CELF2: variants seen among roughly 807,000 people sequenced by gnomAD.
CELF2 encodes the protein CUG triplet repeat RNA-binding protein 2.
In CELF2, 8 loss-of-function variants were observed where a neutral mutation model predicts 62.6. The ratio of observed to expected loss-of-function variants is 0.13; its 90% CI spans 0.07 to 0.23. The LOEUF is 0.23. CELF2 is among the 10% of genes least tolerant of loss of function. The probability of loss-of-function intolerance (pLI) is 1.00; values close to 1 mark genes in which losing one functional copy is unlikely to be tolerated. For missense variants in CELF2, 333 were observed against 671.0 expected, an observed-to-expected ratio of 0.50 and a Z score of 5.56; for synonymous variants, 258 against 250.0, an observed-to-expected ratio of 1.03 and a Z score of -0.30.
intron 1 of CELF2, among the ~76,000 whole-genome samples, chr10:11,069,054 ATAAATGT>A (rs1402732475): frequency 6.6e-6 from 1 of 152,176 alleles, no homozygotes; most frequent in East Asian, 1.9e-4. Context: ...CCATACTAAA[ATAAATGT>A]TAGAAAAGCA....
In CELF2 at chr10:11,335,015, C is replaced by T. The variant is rs543003946; in HGVS notation, c.*5962C>T. 1 of 152,298 alleles carries T rather than the reference C, an allele frequency of 6.6e-6. No homozygotes were observed. Among genetic ancestry groups the T allele is most frequent in the East Asian group, 1.9e-4 (1 of 5,188 alleles). 9.4% of individuals were successfully genotyped at this position (152,298 alleles called of 1,614,324 possible). ...AAGAGAAAAGAAGTATTTCCAAGGG[C>T]TCAAATGGAAGCTGTACTCAGTCCG... On this transcript the variant is annotated 3_prime_UTR_variant, in exon 13 of 13. Coordinates refer to ENST00000633077, the MANE Select transcript of CELF2 (RefSeq NM_001326342.2). This position sits in a 1 kb window ranked among gnomAD's most constrained non-coding sequence, Gnocchi z 5.0.
At chr10:10,767,869 G>A in the CELF2 span, among the ~76,000 whole-genome samples, 4 of 140,304 alleles carry the variant, frequency 2.9e-5, no homozygotes, top group Non-Finnish European at 3.0e-5. Flanking sequence ...GGTGGCGGGC[G>A]CCTGTAGTCC....
intron 9 of CELF2, among the ~76,000 whole-genome samples, chr10:11,312,241 C>A (rs1415646434): frequency 6.6e-6 from 1 of 152,180 alleles, no homozygotes; most frequent in Non-Finnish European, 1.5e-5. Flanking sequence ...AAGACTTTTT[C>A]ACCAATAGAC....
intron 1 of CELF2, among the ~76,000 whole-genome samples, chr10:10,813,144 C>T (rs905658428): frequency 3.9e-5 from 6 of 152,134 alleles, no homozygotes; most frequent in Admixed American, 6.5e-5. Context: ...CCACTCCTTC[C>T]GTAGAGCTGA....
the CELF2 span, among the ~76,000 whole-genome samples, chr10:10,477,978 T>A: frequency 1.1e-4 from 17 of 152,182 alleles, no homozygotes; most frequent in African/African-American, 3.9e-4. Context: ...GCTCTAGATA[T>A]GAGATTATCC....
chr10:10,546,831 G>C, the CELF2 span, among the ~76,000 whole-genome samples: 1 of 151,606 alleles, frequency 6.6e-6, no homozygotes, highest in African/African-American at 2.4e-5. Flanking sequence ...ATTCAGCCAG[G>C]TGCCGTAGCT....
intron 1 of CELF2, among the ~76,000 whole-genome samples, chr10:10,850,384 T>G (rs2059310395): frequency 6.6e-6 from 1 of 152,190 alleles, no homozygotes; most frequent in Non-Finnish European, 1.5e-5. Context: ...CTGCTGACTC[T>G]CAAAGTTCTT....
chr10:11,282,452 G>A lies in CELF2; in HGVS notation c.842-5966G>A, dbSNP rs142141821. Among the ~76,000 whole-genome samples the A allele has an allele frequency of 6.3e-3, 960 of 152,306 alleles. 13 individuals are homozygous for A. Among genetic ancestry groups the A allele is most frequent in the African/African-American group, 0.022 (924 of 41,560 alleles). ...AGGAGAGTCACAATGCCCACACCAC[G>A]TGGATGTGTTAGGAACCCTAGTAGC... On this transcript the variant is annotated intron_variant, in intron 8 of 12. Coordinates refer to ENST00000633077, the MANE Select transcript of CELF2 (RefSeq NM_001326342.2).
the CELF2 span, among the ~76,000 whole-genome samples, chr10:10,747,776 G>A: frequency 1.2e-3 from 177 of 152,228 alleles, no homozygotes; most frequent in Non-Finnish European, 2.1e-3. Flanking sequence ...GCACGATCTC[G>A]GCTCACTGCA....
chr10:11,069,728 C>T (rs928076957), intron 1 of CELF2, among the ~76,000 whole-genome samples: 2 of 152,194 alleles, frequency 1.3e-5, no homozygotes, highest in African/African-American at 4.8e-5. Flanking sequence ...TAATTGATTG[C>T]ACCAAATCCA....
intron 12 of CELF2, among the ~76,000 whole-genome samples, chr10:11,327,003 G>C (rs73583256): frequency 6.6e-6 from 1 of 152,114 alleles, no homozygotes; most frequent in Non-Finnish European, 1.5e-5. Context: ...CTAATCCTAA[G>C]GTCTAATTTG....
At chr10:11,189,541 T>A (rs1410145128) in intron 2 of CELF2, among the ~76,000 whole-genome samples, 2 of 152,202 alleles carry the variant, frequency 1.3e-5, no homozygotes, top group Non-Finnish European at 2.9e-5. Flanking sequence ...TACTACTCTC[T>A]CTCTGCAGCT....
At chr10:10,548,146 C>T in the CELF2 span, among the ~76,000 whole-genome samples, 5,907 of 152,264 alleles carry the variant, frequency 0.039, 300 homozygotes, top group East Asian at 0.21. Context: ...TGACCATGGA[C>T]ACATCGTTTA....
At chr10:10,856,303 A>G (rs1450431188) in intron 1 of CELF2, among the ~76,000 whole-genome samples, 1 of 152,230 alleles carries the variant, frequency 6.6e-6, no homozygotes, top group East Asian at 1.9e-4. Flanking sequence ...ATTTAAAAAA[A>G]GTTGACCAGC....
At chr10:10,677,659 G>A in the CELF2 span, among the ~76,000 whole-genome samples, 11 of 152,150 alleles carry the variant, frequency 7.2e-5, no homozygotes, top group Non-Finnish European at 1.5e-4. Context: ...AACCGCATGC[G>A]GTAGTGCCAC....
chr10:11,299,592 C>T (rs1485049093), intron 9 of CELF2, among the ~76,000 whole-genome samples: 1 of 152,202 alleles, frequency 6.6e-6, no homozygotes, highest in African/African-American at 2.4e-5. Context: ...TTAAATGCTA[C>T]AGCTGCTGTT....
At chr10:11,261,496 G>T (rs543902433) in intron 5 of CELF2, among the ~76,000 whole-genome samples, 8 of 151,246 alleles carry the variant, frequency 5.3e-5, no homozygotes, top group Non-Finnish European at 1.2e-4. Context: ...CTTACTCAGC[G>T]GCCCCAGCCC....
At position 10,989,081 on chromosome 10, in the gene CELF2, A is replaced by G. The variant is rs187382595; in HGVS notation, c.89+69082A>G. Among the ~76,000 whole-genome samples the G allele has an allele frequency of 6.2e-4, 94 of 152,302 alleles. 1 individual carries two copies. Among genetic ancestry groups the G allele is most frequent in the Non-Finnish European group, 1.1e-3 (75 of 67,998 alleles). ...CACGTGGGAACTGTCTGAAGAAAAC[A>G]TTAAGTCCTCGCAGAGAGAAAATGT... On this transcript the variant is annotated intron_variant, in intron 2 of 13. Coordinates refer to the CELF2 transcript ENST00000636488.
At chr10:11,049,633 C>T (rs1372540052) in intron 1 of CELF2, among the ~76,000 whole-genome samples, 2 of 144,678 alleles carry the variant, frequency 1.4e-5, no homozygotes, top group Non-Finnish European at 3.0e-5. Flanking sequence ...CTCCCCTTTT[C>T]TGTACTACCT....
Sources: allele counts gnomAD v4.1 joint callset (sites outside exome capture counted in the v4.1 genomes callset), GRCh38; gene constraint gnomAD v4.1.1; non-coding constraint Gnocchi (gnomAD v3.1); transcripts MANE v1.5; gene names NCBI Gene and HGNC (gene_info 2026-07-23, HGNC 2026-07-21).